Variants in TCF7L1 observed in about 807,000 individuals in gnomAD.
TCF7L1 encodes the protein transcription factor 7 like 1, also known as transcription factor 7-like 1.
A neutral mutation model predicts 63.7 loss-of-function variants in TCF7L1; 18 were observed. The ratio of observed to expected loss-of-function variants is 0.28; its 90% CI spans 0.20 to 0.42. TCF7L1 has a LOEUF of 0.42. Ranked by LOEUF, TCF7L1 falls within the 10% of genes least tolerant of loss-of-function variation. The pLI is 1.00. For missense variants in TCF7L1, 654 were observed against 779.3 expected, an observed-to-expected ratio of 0.84 and a Z score of 1.91; for synonymous variants, 355 against 340.9, an observed-to-expected ratio of 1.04 and a Z score of -0.46.
At chr2:85,269,901 G>A (rs762920501) in intron 3 of TCF7L1, among the ~76,000 whole-genome samples, 1 of 152,204 alleles carries the variant, frequency 6.6e-6, no homozygotes, top group East Asian at 1.9e-4. Flanking sequence ...CAATGGCCCT[G>A]TATAGAGGTG....
intron 3 of TCF7L1, among the ~76,000 whole-genome samples, chr2:85,250,385 TA>T (rs1043909252): frequency 6.6e-6 from 1 of 152,020 alleles, no homozygotes; most frequent in Non-Finnish European, 1.5e-5. Flanking sequence ...CTGGGCCTTT[TA>T]AAAAAGCACT....
At position 85,134,151 on chromosome 2, in the gene TCF7L1, C is replaced by T; in HGVS notation, c.313+72C>T. 6.4e-7 allele frequency: 1 copy of T among 1,571,278 alleles called. No individual in the cohort carries two copies. Among genetic ancestry groups the T allele is most frequent in the Non-Finnish European group, 8.6e-7 (1 of 1,156,508 alleles). On this transcript the variant is annotated intron_variant, in intron 2 of 11. Coordinates refer to ENST00000282111, the MANE Select transcript of TCF7L1 (RefSeq NM_031283.3). The surrounding 1 kb of genome is among the most constrained non-coding windows in gnomAD (Gnocchi z 5.0). Reference sequence around the variant, plus strand: ...TCCGCTGCTCAGCCCGGGCGGCCCACCGTCCCCCTTGCTTGGGTGGACGCA... The same window carrying T: ...TCCGCTGCTCAGCCCGGGCGGCCCATCGTCCCCCTTGCTTGGGTGGACGCA...
intron 3 of TCF7L1, among the ~76,000 whole-genome samples, chr2:85,269,218 C>A (rs1194407711): frequency 2.0e-5 from 3 of 152,166 alleles, no homozygotes; most frequent in Non-Finnish European, 4.4e-5. Context: ...AGTCCTACAA[C>A]CATATTCCCT....
chr2:85,195,082 C>T (rs1261541608), intron 3 of TCF7L1, among the ~76,000 whole-genome samples: 2 of 152,256 alleles, frequency 1.3e-5, no homozygotes, highest in African/African-American at 2.4e-5. Flanking sequence ...GGACTGTGGG[C>T]TTTGAAGCAA....
At chr2:85,253,073 G>C (rs1216787163) in intron 3 of TCF7L1, among the ~76,000 whole-genome samples, 1 of 152,208 alleles carries the variant, frequency 6.6e-6, no homozygotes, top group African/African-American at 2.4e-5. Flanking sequence ...AAATGAGGTA[G>C]GATGTGTAAA....
intron 3 of TCF7L1, among the ~76,000 whole-genome samples, chr2:85,168,170 C>T (rs922740119): frequency 6.9e-6 from 1 of 145,162 alleles, no homozygotes; most frequent in South Asian, 2.2e-4. Context: ...GAGGGTCAAT[C>T]TCATGTTAAG....
chr2:85,216,779 A>G (rs1295179229), intron 3 of TCF7L1, among the ~76,000 whole-genome samples: 2 of 152,198 alleles, frequency 1.3e-5, no homozygotes, highest in African/African-American at 2.4e-5. Flanking sequence ...AAACAGGAAC[A>G]TGAGTCTTTA....
chr2:85,264,746 A>G (rs191760602), intron 3 of TCF7L1, among the ~76,000 whole-genome samples: 1 of 152,204 alleles, frequency 6.6e-6, no homozygotes, highest in African/African-American at 2.4e-5. Flanking sequence ...GAAATTCCAT[A>G]AAGACCAAGC....
intron 3 of TCF7L1, among the ~76,000 whole-genome samples, chr2:85,273,491 A>G (rs1012608089): frequency 6.6e-6 from 1 of 152,330 alleles, no homozygotes; most frequent in African/African-American, 2.4e-5. Flanking sequence ...TCAGTTTGGC[A>G]AAGTTTAAAC....
In TCF7L1 at chr2:85,306,574, T is replaced by G. The variant is rs1473630373; in HGVS notation, c.1257+15T>G. 3 of 1,611,560 alleles carry G rather than the reference T, an allele frequency of 1.9e-6. No homozygotes were observed. The highest frequency in any genetic ancestry group is 2.2e-5 in the East Asian group (1 of 44,836). On this transcript the variant is annotated intron_variant, in intron 10 of 11. Transcript: ENST00000282111. This position sits in a 1 kb window ranked among gnomAD's most constrained non-coding sequence, Gnocchi z 4.3. ...GGGACAACTATGTAAGTGCACACTC[T>G]GGGCAGAGGACGCTCAGACCCCAGG...
intron 3 of TCF7L1, among the ~76,000 whole-genome samples, chr2:85,204,411 C>T (rs1056103279): frequency 6.7e-6 from 1 of 149,144 alleles, no homozygotes; most frequent in Admixed American, 6.9e-5. Context: ...ACCTTGTAAG[C>T]ATTCCCATGT....
At chr2:85,242,082 G>GGACC (rs1414265761) in intron 3 of TCF7L1, among the ~76,000 whole-genome samples, 1 of 151,978 alleles carries the variant, frequency 6.6e-6, no homozygotes, top group Admixed American at 6.6e-5. Context: ...TAAGTCTAAG[G>GGACC]GACCATCTTA....
Position 85,273,029 on chromosome 2 carries a change from C to T in TCF7L1, c.442-10466C>T, listed in dbSNP as rs193191057. Among the ~76,000 whole-genome samples the T allele has an allele frequency of 3.6e-3, 551 of 152,276 alleles. 3 individuals carry two copies. Among genetic ancestry groups the T allele is most frequent in the African/African-American group, 0.012 (504 of 41,546 alleles). ...AGGGAGTGGAACAGAAGCCAGCCTT[C>T]TGGGGGCTGAGAAGTACCTGGGAGG... On this transcript the variant is annotated intron_variant, in intron 3 of 11. Transcript: ENST00000282111.
rs147706180 is a variant in TCF7L1, at chr2:85,262,315, G to C, written c.442-21180G>C. ...TCTGGCCCTGGCCATGGTATGCCATGGTGGAATTTCACAAAGAGCACACCC... is the reference window on the plus strand; with the variant it reads ...TCTGGCCCTGGCCATGGTATGCCATCGTGGAATTTCACAAAGAGCACACCC... On this transcript the variant is annotated intron_variant, in intron 3 of 11. Coordinates refer to ENST00000282111, the MANE Select transcript of TCF7L1 (RefSeq NM_031283.3). 442 of 547,984 alleles carry C rather than the reference G, an allele frequency of 8.1e-4. 3 individuals carry two copies. In the East Asian group the frequency reaches 0.015, roughly 19 times the overall value. The allele number at this position is 547,984 out of a possible 1,614,324, so 33.9% of individuals were successfully genotyped here.
chr2:85,133,550 C>A lies in TCF7L1; in HGVS notation c.-135C>A. On this transcript the variant is annotated 5_prime_UTR_variant, in exon 1 of 12. Transcript: ENST00000282111. This position sits in a 1 kb window ranked among gnomAD's most constrained non-coding sequence, Gnocchi z 4.4. ...GCGCCGGGCCCGCTTCCCGCGGGGC[C>A]ACGCCCTGTCAAACTTTGTTGCGGC... 4.9e-6 allele frequency: 1 copy of A among 202,278 alleles called. No homozygotes were observed. The highest frequency in any genetic ancestry group is 8.7e-6 in the Non-Finnish European group (1 of 115,600). The allele number at this position is 202,278 out of a possible 1,614,324, so 12.5% of individuals were successfully genotyped here.
chr2:85,235,737 G>A (rs1680176181), intron 3 of TCF7L1, among the ~76,000 whole-genome samples: 1 of 152,060 alleles, frequency 6.6e-6, no homozygotes. Context: ...ACCTTATAAG[G>A]GGCCAGGTGC....
Position 85,309,189 on chromosome 2 carries a change from G to A in TCF7L1, c.1494G>A (p.Glu498=). Residue 498 remains glutamate (E), a synonymous_variant, in exon 12 of 12, where the codon GAG becomes GAA. Transcript: ENST00000282111. ...SPAAPAATHS[E]QAQPLSLTTK... ...CTGCCCCTGCTGCCACCCATTCGGA[G>A]CAAGCCCAGCCCCTCTCCCTCACCA... 2 of 1,613,938 alleles carry A rather than the reference G, an allele frequency of 1.2e-6. No homozygotes were observed. Among genetic ancestry groups the A allele is most frequent in the South Asian group, 1.1e-5 (1 of 91,078 alleles).
At chr2:85,290,418 C>A (rs574716372) in intron 4 of TCF7L1, among the ~76,000 whole-genome samples, 1 of 152,092 alleles carries the variant, frequency 6.6e-6, no homozygotes, top group African/African-American at 2.4e-5. Context: ...TCAAGTGATC[C>A]GCCTGCCTCA....
chr2:85,250,222 C>T (rs773411320), intron 3 of TCF7L1, among the ~76,000 whole-genome samples: 2 of 152,092 alleles, frequency 1.3e-5, no homozygotes, highest in South Asian at 2.1e-4. Flanking sequence ...AAGCTACCAA[C>T]GTGACATCAC....
Sources: allele counts gnomAD v4.1 joint callset (sites outside exome capture counted in the v4.1 genomes callset), GRCh38; gene constraint gnomAD v4.1.1; non-coding constraint Gnocchi (gnomAD v3.1); transcripts MANE v1.5; gene names NCBI Gene and HGNC (gene_info 2026-07-23, HGNC 2026-07-21).